The following MAP2K5 variants were observed in gnomAD, a reference collection of about 807,000 sequenced individuals.
MAP2K5 encodes the protein mitogen-activated protein kinase kinase 5, also known as dual specificity mitogen-activated protein kinase kinase 5.
In MAP2K5, 49 loss-of-function variants were observed where a neutral mutation model predicts 83.1. The ratio of observed to expected loss-of-function variants is 0.59; its 90% CI spans 0.47 to 0.75. The LOEUF (loss-of-function observed/expected upper bound fraction) is 0.75. MAP2K5 is among the 30% of genes least tolerant of loss of function. The pLI, the probability that MAP2K5 is intolerant of heterozygous loss-of-function variation, is 0.00. For synonymous variants in MAP2K5, 202 were observed against 191.8 expected, an observed-to-expected ratio of 1.05 and a Z score of -0.44; for missense variants, 457 against 557.5, an observed-to-expected ratio of 0.82 and a Z score of 1.82.
At chr15:67,687,756 T>A (rs1337425816) in intron 13 of MAP2K5, among the ~76,000 whole-genome samples, 1 of 152,146 alleles carries the variant, frequency 6.6e-6, no homozygotes, top group Non-Finnish European at 1.5e-5. Flanking sequence ...ACCTGTTTAG[T>A]AGAGACACCA....
chr15:67,614,846 T>C (rs1324996639), intron 8 of MAP2K5, among the ~76,000 whole-genome samples: 2 of 152,194 alleles, frequency 1.3e-5, no homozygotes, highest in African/African-American at 4.8e-5. Flanking sequence ...CTTTCTCTTA[T>C]TGAAAATCTT....
chr15:67,602,042 A>G (rs1025682391), intron 8 of MAP2K5, among the ~76,000 whole-genome samples: 2 of 152,236 alleles, frequency 1.3e-5, no homozygotes, highest in South Asian at 2.1e-4. Context: ...TGTTTCTTAC[A>G]TGTTCCTTGG....
intron 7 of MAP2K5, among the ~76,000 whole-genome samples, chr15:67,594,953 T>TA (rs1375467993): frequency 2.6e-5 from 4 of 152,132 alleles, no homozygotes; most frequent in African/African-American, 9.7e-5. Flanking sequence ...TAGGCATCAA[T>TA]AAATTTCTGG....
Position 67,665,105 on chromosome 15 carries a change from C to T in MAP2K5, c.847+460C>T, listed in dbSNP as rs543615537. Among the ~76,000 whole-genome samples, 35 of 152,238 alleles carry T rather than the reference C, an allele frequency of 2.3e-4. No individual in the cohort carries two copies. In the East Asian group the frequency reaches 4.2e-3, roughly 18 times the overall value. On this transcript the variant is annotated intron_variant, in intron 13 of 21. Coordinates refer to ENST00000178640, the MANE Select transcript of MAP2K5 (RefSeq NM_145160.3). This position sits in a 1 kb window ranked among gnomAD's most constrained non-coding sequence, Gnocchi z 4.2. ...CTCTGTTGGCCAGGTTGTTGTTAAA[C>T]CCCTAGCCTCAAGCAGTCCTCCTAC... is the stretch of plus-strand genomic sequence containing the variant.
At chr15:67,655,014 G>A (rs1453897238) in intron 11 of MAP2K5, among the ~76,000 whole-genome samples, 2 of 150,850 alleles carry the variant, frequency 1.3e-5, no homozygotes, top group African/African-American at 2.4e-5. Context: ...GCAGTGAGCC[G>A]AGATTGTGCC....
Position 67,668,203 on chromosome 15 carries a change from C to G in MAP2K5, c.847+3558C>G, listed in dbSNP as rs1392002288. Among the ~76,000 whole-genome samples, 1 of 152,036 alleles carries G rather than the reference C, an allele frequency of 6.6e-6. No homozygotes were observed. The highest frequency in any genetic ancestry group is 2.4e-5 in the African/African-American group (1 of 41,410). Reference sequence around the variant, plus strand: ...GAATGTGGCATGTTTTTATTATAACCATGAATTAATCACTTTATTCAGTTA... The same window carrying G: ...GAATGTGGCATGTTTTTATTATAACGATGAATTAATCACTTTATTCAGTTA... On this transcript the variant is annotated intron_variant, in intron 13 of 21. Transcript: ENST00000178640. The surrounding 1 kb of genome is among the most constrained non-coding windows in gnomAD (Gnocchi z 4.0).
chr15:67,631,080 A>G (rs1287537930), intron 9 of MAP2K5, among the ~76,000 whole-genome samples, 153 bp downstream of exon 9: 1 of 152,170 alleles, frequency 6.6e-6, no homozygotes, highest in African/African-American at 2.4e-5. Context: ...TGACATTCAG[A>G]CACCTGAAGA....
Position 67,559,379 on chromosome 15 carries a change from G to A in MAP2K5, c.185-3904G>A, listed in dbSNP as rs1033163153. On this transcript the variant is annotated intron_variant, in intron 2 of 21. Transcript: ENST00000178640. This position sits in a 1 kb window ranked among gnomAD's most constrained non-coding sequence, Gnocchi z 4.7. ...CTGCTGTTTATCTGCTGTTTACTCA[G>A]TAGGCCATTGTGACCGCCCCTTACC... is the stretch of plus-strand genomic sequence containing the variant. 6.6e-6 allele frequency among the ~76,000 whole-genome samples: 1 copy of A among 152,164 alleles called. No homozygotes were observed. The highest frequency in any genetic ancestry group is 1.5e-5 in the Non-Finnish European group (1 of 68,034).
At chr15:67,560,133 T>A (rs1275731625) in intron 2 of MAP2K5, among the ~76,000 whole-genome samples, 1 of 152,238 alleles carries the variant, frequency 6.6e-6, no homozygotes, top group Non-Finnish European at 1.5e-5. Flanking sequence ...TTAGTATGTA[T>A]TTCTGCTTTC....
intron 19 of MAP2K5, among the ~76,000 whole-genome samples, chr15:67,765,413 CAT>C (rs2090023762): frequency 6.6e-6 from 1 of 152,042 alleles, no homozygotes; most frequent in Non-Finnish European, 1.5e-5. Flanking sequence ...AGAAAATTGT[CAT>C]AGATACAAGA....
intron 5 of MAP2K5, among the ~76,000 whole-genome samples, chr15:67,586,466 A>G (rs1244975408): frequency 6.6e-6 from 1 of 152,198 alleles, no homozygotes; most frequent in Non-Finnish European, 1.5e-5. Context: ...TTCTACATAC[A>G]GTGTTCTGCT....
intron 2 of MAP2K5, among the ~76,000 whole-genome samples, chr15:67,560,670 T>C (rs1311266285): frequency 1.3e-5 from 2 of 152,254 alleles, no homozygotes; most frequent in East Asian, 3.8e-4. Context: ...AATGCTCTTG[T>C]AATGTTTCAT....
intron 16 of MAP2K5, among the ~76,000 whole-genome samples, chr15:67,718,937 T>A (rs1429745920): frequency 6.6e-6 from 1 of 152,160 alleles, no homozygotes; most frequent in Non-Finnish European, 1.5e-5. Context: ...TAGTTATTTT[T>A]AAATGTACAG....
rs1169811587 is a variant in MAP2K5, at chr15:67,668,806, C to G, written c.847+4161C>G. Among the ~76,000 whole-genome samples the G allele has an allele frequency of 1.3e-5, 2 of 151,128 alleles. No individual in the cohort carries two copies. Among genetic ancestry groups the G allele is most frequent in the Non-Finnish European group, 2.9e-5 (2 of 67,828 alleles). On this transcript the variant is annotated intron_variant, in intron 13 of 21. Coordinates refer to ENST00000178640, the MANE Select transcript of MAP2K5 (RefSeq NM_145160.3). This position sits in a 1 kb window ranked among gnomAD's most constrained non-coding sequence, Gnocchi z 4.0. ...ATTCTGGGGCCATCTTACACAGATGCAGAAGTTTATAGAAGAAAAAAAAAA... is the reference window on the plus strand; with the variant it reads ...ATTCTGGGGCCATCTTACACAGATGGAGAAGTTTATAGAAGAAAAAAAAAA...
In MAP2K5 at chr15:67,718,949, A is replaced by T. The variant is rs1469804601; in HGVS notation, c.1045-8967A>T. ...TTTTAGTTATTTTTAAATGTACAGTAAATTTTTGTTGACTGTAATCACCTG... is the reference window on the plus strand; with the variant it reads ...TTTTAGTTATTTTTAAATGTACAGTTAATTTTTGTTGACTGTAATCACCTG... On this transcript the variant is annotated intron_variant, in intron 16 of 21. Coordinates refer to ENST00000178640, the MANE Select transcript of MAP2K5 (RefSeq NM_145160.3). 2.6e-5 allele frequency among the ~76,000 whole-genome samples: 4 copies of T among 152,198 alleles called. No homozygotes were observed. In the East Asian group the frequency reaches 7.7e-4, roughly 29 times the overall value.
At chr15:67,588,496 C>T (rs1056673043) in intron 6 of MAP2K5, among the ~76,000 whole-genome samples, 1 of 152,200 alleles carries the variant, frequency 6.6e-6, no homozygotes, top group African/African-American at 2.4e-5. Flanking sequence ...TCACCCCTGT[C>T]CTCCAGTAGA....
chr15:67,696,457 A>T (rs1212783680), intron 15 of MAP2K5, among the ~76,000 whole-genome samples: 1 of 152,078 alleles, frequency 6.6e-6, no homozygotes, highest in Admixed American at 6.5e-5. Context: ...CTGACCCTTT[A>T]CCGAAAAAGT....
At chr15:67,551,214 A>G (rs1045663805) in intron 2 of MAP2K5, among the ~76,000 whole-genome samples, 2 of 152,230 alleles carry the variant, frequency 1.3e-5, no homozygotes, top group East Asian at 3.8e-4. Flanking sequence ...TTTCTTATCA[A>G]CATATAAAAT....
intron 13 of MAP2K5, among the ~76,000 whole-genome samples, chr15:67,669,385 C>T (rs932426548): frequency 6.6e-6 from 1 of 151,870 alleles, no homozygotes; most frequent in African/African-American, 2.4e-5. Flanking sequence ...TCAAAGAAAC[C>T]TCATAGGGAA....
Sources: gnomAD v4.1 joint callset for allele counts (sites outside exome capture counted in the v4.1 genomes callset) on GRCh38, gnomAD v4.1.1 for gene constraint, Gnocchi (gnomAD v3.1) non-coding constraint, MANE v1.5 for transcripts, NCBI Gene and HGNC (gene_info 2026-07-23, HGNC 2026-07-21) for gene names.